BLK: variants seen among roughly 807,000 people sequenced by gnomAD.
The protein encoded by BLK is BLK proto-oncogene, Src family tyrosine kinase, also known as tyrosine-protein kinase Blk.
Under a neutral mutation model 61.8 loss-of-function variants are expected in BLK, and 64 were observed. That is an observed-to-expected ratio of 1.03 (90% CI 0.85 to 1.27). BLK has a LOEUF of 1.27. Among genes scored for constraint, BLK ranks in the 50% most tolerant of loss-of-function variants. The probability of loss-of-function intolerance (pLI) is 0.00; values close to 1 mark genes in which losing one functional copy is unlikely to be tolerated. For missense variants in BLK, 853 were observed against 660.5 expected (o/e 1.29, Z -3.19); for synonymous variants, 351 against 272.0 (o/e 1.29, Z -2.86).
chr8:11,518,931 C>T (rs913438990), intron 1 of BLK, among the ~76,000 whole-genome samples: 5 of 152,170 alleles, frequency 3.3e-5, no homozygotes, highest in Admixed American at 1.3e-4. Flanking sequence ...CAGCATACGT[C>T]GCACTTTCTG....
chr8:11,553,029 C>T (rs2255227), intron 6 of BLK: 154,129 of 162,476 alleles, frequency 0.95, 73,446 homozygotes, highest in East Asian at 1. Context: ...TACACACACA[C>T]GCACACATAT....
chr8:11,536,881 A>T (rs944389129), intron 1 of BLK, among the ~76,000 whole-genome samples: 1 of 152,228 alleles, frequency 6.6e-6, no homozygotes, highest in Admixed American at 6.5e-5. Flanking sequence ...GTACAGAATC[A>T]TGCCCACTCT....
At chr8:11,530,382 T>C (rs2264869) in intron 1 of BLK, among the ~76,000 whole-genome samples, 149,752 of 152,350 alleles carry the variant, frequency 0.98, 73,621 homozygotes, top group East Asian at 1. Flanking sequence ...AGGTAGGAGG[T>C]CAGTTCCTCC....
chr8:11,506,046 C>T (rs1402065019), intron 1 of BLK, among the ~76,000 whole-genome samples: 5 of 152,228 alleles, frequency 3.3e-5, no homozygotes. Context: ...AACAGGGAGG[C>T]AGATGGTAGA....
At chr8:11,508,802 G>C (rs1204467749) in intron 1 of BLK, among the ~76,000 whole-genome samples, 1 of 152,208 alleles carries the variant, frequency 6.6e-6, no homozygotes, top group Non-Finnish European at 1.5e-5. Flanking sequence ...GGCCGGTCCT[G>C]CCCTTTGGGG....
At chr8:11,551,985 G>A (rs1448461735) in intron 6 of BLK, among the ~76,000 whole-genome samples, 2 of 152,212 alleles carry the variant, frequency 1.3e-5, no homozygotes, top group African/African-American at 4.8e-5. Context: ...TCAGGAAGCT[G>A]TCCACAGGGA....
intron 5 of BLK, among the ~76,000 whole-genome samples, chr8:11,549,340 C>A (rs1800800951): frequency 6.6e-6 from 1 of 152,186 alleles, no homozygotes; most frequent in South Asian, 2.1e-4. Context: ...CTCTTCCCAG[C>A]TAAACAAGAG....
chr8:11,556,342 G>C (rs1050888831), intron 8 of BLK: 5 of 418,076 alleles, frequency 1.2e-5, no homozygotes, highest in Non-Finnish European at 1.8e-5. Context: ...TGATAGAAGA[G>C]ACTCATTATG....
intron 1 of BLK, among the ~76,000 whole-genome samples, chr8:11,516,551 C>T (rs990514344): frequency 7.2e-5 from 11 of 152,136 alleles, no homozygotes; most frequent in African/African-American, 2.2e-4. Context: ...TTTCCATGAA[C>T]GATATCTGTT....
Position 11,555,042 on chromosome 8 carries a change from C to T in BLK, c.619+153C>T, listed in dbSNP as rs76790008. On this transcript the variant is annotated intron_variant, in intron 7 of 12. Transcript: ENST00000259089. ...CTAAGGAGGTAGCAACTCTGAGCAC[C>T]GGGAATTGGTGGCCCTAATTCCCTC... Among the ~76,000 whole-genome samples, 61 of 152,272 alleles carry T rather than the reference C, an allele frequency of 4.0e-4. No individual in the cohort carries two copies. The East Asian group carries it at 6.4e-3, about 16-fold the overall frequency.
rs370556587 is a variant in BLK at position 11,546,066 on chromosome 8, C to T, written c.138C>T (p.His46=). ...PPLPPLVVFN[H]LTPPPPDEHL... is the part of the protein sequence containing the mutation. The stretch of plus-strand genomic sequence containing the variant: ...TTCTACCCAAGGTTGTCTTCAACCA[C>T]CTTACTCCTCCACCGCCCGATGAAC... The change falls in exon 3 of 13, where the codon CAC becomes CAT. Residue 46 remains histidine, a synonymous_variant. Coordinates refer to ENST00000259089, the MANE Select transcript of BLK (RefSeq NM_001715.3). The T allele has an allele frequency of 5.9e-5, 96 of 1,614,042 alleles. No homozygotes were observed. Among genetic ancestry groups the T allele is most frequent in the African/African-American group, 1.3e-5 (1 of 74,894 alleles).
intron 1 of BLK, among the ~76,000 whole-genome samples, chr8:11,519,114 T>G (rs1326744494): frequency 6.6e-6 from 1 of 152,212 alleles, no homozygotes; most frequent in Non-Finnish European, 1.5e-5. Context: ...AACTAGAATA[T>G]GGGCTCCACG....
intron 6 of BLK, among the ~76,000 whole-genome samples, chr8:11,550,747 C>G (rs992015631): frequency 6.6e-6 from 1 of 152,254 alleles, no homozygotes; most frequent in African/African-American, 2.4e-5. Flanking sequence ...TCTAGACACT[C>G]ATGAGTTCAA....
In BLK at chr8:11,561,394, C is replaced by T. The variant is rs768672215; in HGVS notation, c.1122C>T (p.Cys374=). 4 of 1,614,140 alleles carry T rather than the reference C, an allele frequency of 2.5e-6. No homozygotes were observed. In the Admixed American group the frequency reaches 6.7e-5, roughly 27 times the overall value. The stretch of plus-strand genomic sequence containing the variant: ...TCCTGGTGTCTGAGGCCTTGTGCTG[C>T]AAAATTGCTGATTTTGGCTTGGCTC... ...ANILVSEALC[C]KIADFGLARI... Residue 374 remains cysteine, a synonymous_variant, in exon 11 of 13, where the codon TGC becomes TGT. Transcript: ENST00000259089.
chr8:11,520,088 CA>C (rs1252304806), intron 1 of BLK, among the ~76,000 whole-genome samples: 2 of 152,098 alleles, frequency 1.3e-5, no homozygotes, highest in Non-Finnish European at 2.9e-5. Flanking sequence ...AATATAGAGT[CA>C]AAAATACTTC....
chr8:11,519,812 CTACTGT>C (rs1799369833), intron 1 of BLK, among the ~76,000 whole-genome samples: 1 of 152,188 alleles, frequency 6.6e-6, no homozygotes, highest in South Asian at 2.1e-4. Context: ...CATTTAAACT[CTACTGT>C]ATGCTGATTT....
chr8:11,561,060 C>A, intron 10 of BLK: 1 of 675,108 alleles, frequency 1.5e-6, no homozygotes, highest in Non-Finnish European at 2.7e-6. Context: ...GGAGCGAGAA[C>A]GAGGAGGGGG....
At chr8:11,524,671 G>C (rs1456289191) in intron 1 of BLK, among the ~76,000 whole-genome samples, 1 of 152,114 alleles carries the variant, frequency 6.6e-6, no homozygotes, top group African/African-American at 2.4e-5. Flanking sequence ...AAAGAGAAAG[G>C]GCATGAGCAA....
chr8:11,547,646 G>A (rs946927645), intron 3 of BLK, among the ~76,000 whole-genome samples: 1 of 152,220 alleles, frequency 6.6e-6, no homozygotes, highest in African/African-American at 2.4e-5. Flanking sequence ...AAGGATAAGA[G>A]GAGGCTTATG....
Sources: gnomAD v4.1 joint callset for allele counts (sites outside exome capture counted in the v4.1 genomes callset) on GRCh38, gnomAD v4.1.1 for gene constraint, MANE v1.5 for transcripts, NCBI Gene and HGNC (gene_info 2026-07-23, HGNC 2026-07-21) for gene names.